The following LRMDA variants were observed in gnomAD, a reference collection of about 807,000 sequenced individuals.
LRMDA encodes leucine-rich melanocyte differentiation-associated protein.
In LRMDA, 18 loss-of-function variants were observed where a neutral mutation model predicts 29.8. That is an observed-to-expected ratio of 0.60 (90% CI 0.42 to 0.90). The LOEUF is 0.90. Ranked by LOEUF, LRMDA falls within the 40% of genes least tolerant of loss-of-function variation. LRMDA has a pLI of 0.00. For missense variants in LRMDA, 273 were observed against 273.9 expected, an observed-to-expected ratio of 1.00 and a Z score of 0.02; for synonymous variants, 125 against 109.4, an observed-to-expected ratio of 1.14 and a Z score of -0.89.
chr10:76,124,879 G>A (rs1225600280), intron 5 of LRMDA, among the ~76,000 whole-genome samples: 1 of 152,212 alleles, frequency 6.6e-6, no homozygotes, highest in African/African-American at 2.4e-5. Context: ...GGTAGCTTAT[G>A]AACAGCAGCT....
intron 2 of LRMDA, among the ~76,000 whole-genome samples, chr10:75,739,477 G>A (rs1336990467): frequency 3.3e-5 from 5 of 152,162 alleles, no homozygotes; most frequent in African/African-American, 1.2e-4. Flanking sequence ...AATTAATCTT[G>A]ATGTATTATT....
At chr10:75,532,056 G>GAAAAA (rs60697116) in intron 2 of LRMDA, among the ~76,000 whole-genome samples, 53 of 95,288 alleles carry the variant, frequency 5.6e-4, no homozygotes, top group Admixed American at 8.4e-4. Context: ...AAGAAAGAAA[G>GAAAAA]AAAAAAAAAA....
chr10:76,342,661 TA>T (rs1267250764), intron 6 of LRMDA, among the ~76,000 whole-genome samples: 1 of 151,500 alleles, frequency 6.6e-6, no homozygotes, highest in Admixed American at 6.6e-5. Flanking sequence ...AATAAAAAAA[TA>T]AAAAGCCATA....
In LRMDA at chr10:76,203,718, A is replaced by G. The variant is rs555349894; in HGVS notation, c.517-120683A>G. Among the ~76,000 whole-genome samples, 120 of 143,614 alleles carry G rather than the reference A, an allele frequency of 8.4e-4. 1 individual carries two copies. The highest frequency in any genetic ancestry group is 3.0e-3 in the African/African-American group (114 of 38,072). 94.2% of individuals were successfully genotyped at this position (143,614 alleles called of 152,430 possible). A position where few individuals can be genotyped will look rare whatever the true frequency, so the allele number is the denominator to read the frequency against. On this transcript the variant is annotated intron_variant, in intron 5 of 6. Transcript: ENST00000611255. ...CCATCTCTATTCCATGTACTTGTCC[A>G]CCCATCTCTCCATGTGCCTGTCCAC...
chr10:76,479,411 C>G (rs1295912310), intron 6 of LRMDA, among the ~76,000 whole-genome samples: 1 of 151,884 alleles, frequency 6.6e-6, no homozygotes, highest in East Asian at 1.9e-4. Context: ...CAGAAGGGCC[C>G]AGGCTTGGTT....
rs891805189 is a variant in LRMDA, at chr10:75,781,539, T to C, written c.132-254469T>C. ...AATAACAACAGCAAACATTTCTGTA[T>C]TGATTTAAGATTTATAAAGTGCTTT... On this transcript the variant is annotated intron_variant, in intron 2 of 6. Coordinates refer to ENST00000611255, the MANE Select transcript of LRMDA (RefSeq NM_001305581.2). 2.6e-5 allele frequency among the ~76,000 whole-genome samples: 4 copies of C among 152,208 alleles called. No homozygotes were observed. The East Asian group carries it at 7.7e-4, about 29-fold the overall frequency.
intron 2 of LRMDA, among the ~76,000 whole-genome samples, chr10:75,575,951 G>A (rs1840500193): frequency 1.3e-5 from 2 of 151,588 alleles, no homozygotes; most frequent in African/African-American, 4.9e-5. Flanking sequence ...GGCAGACACC[G>A]AGCTAGCCAC....
intron 5 of LRMDA, among the ~76,000 whole-genome samples, chr10:76,149,716 A>G (rs1850401744): frequency 6.6e-6 from 1 of 152,172 alleles, no homozygotes; most frequent in Non-Finnish European, 1.5e-5. Context: ...CTAAAACTCC[A>G]CAATTACTGT....
intron 5 of LRMDA, among the ~76,000 whole-genome samples, chr10:76,149,980 C>T (rs904103020): frequency 2.6e-5 from 4 of 152,194 alleles, no homozygotes; most frequent in Non-Finnish European, 4.4e-5. Context: ...CCAACCAGGG[C>T]TCCCTAGGGT....
intron 5 of LRMDA, chr10:76,270,797 A>G (rs1840059364): frequency 6.6e-6 from 1 of 152,114 alleles, no homozygotes; most frequent in Admixed American, 6.6e-5. Context: ...GCAATCTAAG[A>G]GCTTTAATTA....
At chr10:75,694,380 T>G (rs1174008104) in intron 2 of LRMDA, among the ~76,000 whole-genome samples, 1 of 152,214 alleles carries the variant, frequency 6.6e-6, no homozygotes, top group African/African-American at 2.4e-5. Context: ...CACCGTAGGA[T>G]GCAAACCACA....
chr10:75,630,791 C>A lies in LRMDA; in HGVS notation c.131+192297C>A, dbSNP rs953603165. On this transcript the variant is annotated intron_variant, in intron 2 of 6. Transcript: ENST00000611255. ...AGGTGTAAGCACACATTTAACCATC[C>A]CTTTCCATGCACAGACTGAATAAAG... Among the ~76,000 whole-genome samples, 3 of 152,170 alleles carry A rather than the reference C, an allele frequency of 2.0e-5. No individual in the cohort carries two copies. In the East Asian group the frequency reaches 5.8e-4, roughly 29 times the overall value.
In LRMDA at chr10:76,036,033, A is replaced by G; in HGVS notation, c.157A>G (p.Arg53Gly). Residue 53 changes from arginine to glycine, a missense_variant, in exon 3 of 7, where the codon AGG (arginine) becomes GGG (glycine). Arg to Gly is a moderately radical substitution (Grantham distance 125). Coordinates refer to ENST00000611255, the MANE Select transcript of LRMDA (RefSeq NM_001305581.2). ...GTCACTGGAAGGACTGAGCGCATTC[A>G]GGAGCCTGGAGGAACTCATCTTGGA... ...LRSLEGLSAFRSLEELILDNN... is the reference protein window; with the variant it reads ...LRSLEGLSAFGSLEELILDNN... The G allele has an allele frequency of 1.9e-6, 3 of 1,614,098 alleles. No individual in the cohort carries two copies. The highest frequency in any genetic ancestry group is 2.5e-6 in the Non-Finnish European group (3 of 1,180,000).
chr10:75,533,763 C>T (rs112256409), intron 2 of LRMDA, among the ~76,000 whole-genome samples: 1 of 152,004 alleles, frequency 6.6e-6, no homozygotes, highest in South Asian at 2.1e-4. Context: ...AGAGTTGGGC[C>T]CACTCAGAGG....
chr10:75,496,907 CAT>C (rs1318088903), intron 2 of LRMDA, among the ~76,000 whole-genome samples: 2 of 151,914 alleles, frequency 1.3e-5, no homozygotes, highest in African/African-American at 2.4e-5. Context: ...GGTATATACA[CAT>C]ATGTGTATAT....
intron 5 of LRMDA, among the ~76,000 whole-genome samples, chr10:76,224,938 C>A (rs914247211): frequency 3.9e-5 from 6 of 151,942 alleles, no homozygotes; most frequent in Non-Finnish European, 8.8e-5. Flanking sequence ...GTCTATATTT[C>A]TTTGTAAATG....
At chr10:76,024,976 T>C (rs916125163) in intron 2 of LRMDA, among the ~76,000 whole-genome samples, 10 of 152,196 alleles carry the variant, frequency 6.6e-5, no homozygotes, top group Admixed American at 5.9e-4. Context: ...ATACCATGGC[T>C]GCGGTACACC....
intron 6 of LRMDA, among the ~76,000 whole-genome samples, chr10:76,494,540 G>A (rs1176070285): frequency 3.3e-5 from 5 of 151,328 alleles, no homozygotes; most frequent in Non-Finnish European, 1.5e-5. Flanking sequence ...AAAGTTACAT[G>A]GTGTTTGTAG....
intron 2 of LRMDA, among the ~76,000 whole-genome samples, chr10:75,697,158 T>G (rs1479793874): frequency 6.6e-6 from 1 of 152,100 alleles, no homozygotes; most frequent in African/African-American, 2.4e-5. Context: ...CTCCACCAAA[T>G]AAAATGTTTA....
Sources: allele counts gnomAD v4.1 joint callset (sites outside exome capture counted in the v4.1 genomes callset), GRCh38; gene constraint gnomAD v4.1.1; transcripts MANE v1.5; gene names NCBI Gene and HGNC (gene_info 2026-07-23, HGNC 2026-07-21).